Variants in PALMD observed in about 807,000 individuals in gnomAD.
PALMD encodes paralemmin-like protein.
Under a neutral mutation model 56.2 loss-of-function variants are expected in PALMD, and 42 were observed. That is an observed-to-expected ratio of 0.75 (90% CI 0.58 to 0.97). The LOEUF is 0.97. PALMD is among the 50% of genes least tolerant of loss of function. The pLI is 0.00. For synonymous variants in PALMD, 242 were observed against 222.9 expected, an observed-to-expected ratio of 1.09 and a Z score of -0.76; for missense variants, 660 against 643.8, an observed-to-expected ratio of 1.03 and a Z score of -0.27.
intron 1 of PALMD, among the ~76,000 whole-genome samples, chr1:99,650,229 T>A (rs1394032347): frequency 7.3e-6 from 1 of 136,180 alleles, no homozygotes; most frequent in African/African-American, 2.8e-5. Context: ...TATAAAGTCC[T>A]GACACTGGAA....
chr1:99,678,934 A>T (rs538817942), intron 3 of PALMD, among the ~76,000 whole-genome samples: 29 of 151,942 alleles, frequency 1.9e-4, no homozygotes, highest in African/African-American at 6.8e-4. Context: ...AGTTAAAGAC[A>T]AGCCTGGGCA....
At chr1:99,680,194 T>G (rs1653307133) in intron 3 of PALMD, among the ~76,000 whole-genome samples, 1 of 152,196 alleles carries the variant, frequency 6.6e-6, no homozygotes, top group South Asian at 2.1e-4. Context: ...CCAGCATTTA[T>G]GTGCTGTCCT....
rs1293012421 is a variant in PALMD at position 99,694,052 on chromosome 1, A to G, written c.1646A>G (p.Lys549Arg). The change falls in exon 8 of 8, where the codon AAG becomes AGG. Residue 549 changes from lysine to arginine, a missense_variant. Physicochemically the swap from Lys to Arg is conservative, Grantham distance 26. Coordinates refer to ENST00000263174, the MANE Select transcript of PALMD (RefSeq NM_017734.5). Reference sequence around the variant, plus strand: ...ATGAGAATGGCAAAGCTGGGAAAAAAGGTGATCTAAGAGTTGTACCACCTA... The same window carrying G: ...ATGAGAATGGCAAAGCTGGGAAAAAGGGTGATCTAAGAGTTGTACCACCTA... ...LRMRMAKLGK[K>R]VI 3.1e-6 allele frequency: 5 copies of G among 1,598,186 alleles called. No individual in the cohort carries two copies. Among genetic ancestry groups the G allele is most frequent in the Non-Finnish European group, 4.3e-6 (5 of 1,167,404 alleles).
At chr1:99,650,928 T>C (rs1438085633) in intron 1 of PALMD, among the ~76,000 whole-genome samples, 1 of 152,214 alleles carries the variant, frequency 6.6e-6, no homozygotes, top group East Asian at 1.9e-4. Context: ...TTTGGATCAT[T>C]GTATTATTTA....
chr1:99,666,908 T>C (rs1652972930), intron 2 of PALMD, among the ~76,000 whole-genome samples: 1 of 152,190 alleles, frequency 6.6e-6, no homozygotes, highest in African/African-American at 2.4e-5. Context: ...TTTTTGTTTT[T>C]TCCATCTGGT....
intron 7 of PALMD, 175 bp downstream of exon 7, chr1:99,690,047 T>TG: frequency 1.9e-6 from 1 of 532,792 alleles, no homozygotes; most frequent in African/African-American, 1.9e-5. Context: ...ATTAAGTCAC[T>TG]TCAAAAGATA....
At chr1:99,658,313 A>G (rs1652770947) in intron 1 of PALMD, among the ~76,000 whole-genome samples, 1 of 151,828 alleles carries the variant, frequency 6.6e-6, no homozygotes, top group Admixed American at 6.6e-5. Flanking sequence ...CAAAAAAAAA[A>G]AAAAAGAAAA....
At chr1:99,689,986 T>G in intron 7 of PALMD, 114 bp downstream of exon 7, 1 of 880,374 alleles carries the variant, frequency 1.1e-6, no homozygotes, top group Non-Finnish European at 1.7e-6. Context: ...TAATACGCAC[T>G]GAGATTTTTT....
intron 7 of PALMD, among the ~76,000 whole-genome samples, chr1:99,693,192 T>C (rs1653702281): frequency 6.6e-6 from 1 of 152,184 alleles, no homozygotes; most frequent in South Asian, 2.1e-4. Context: ...TTACATAGCT[T>C]GTTCTTGGGC....
At chr1:99,671,887 A>T (rs565924199) in intron 3 of PALMD, among the ~76,000 whole-genome samples, 1 of 152,352 alleles carries the variant, frequency 6.6e-6, no homozygotes, top group East Asian at 1.9e-4. Flanking sequence ...GTAAAGAGCC[A>T]GGATTTAAAA....
chr1:99,679,460 A>T (rs1458545248), intron 3 of PALMD, among the ~76,000 whole-genome samples: 1 of 152,216 alleles, frequency 6.6e-6, no homozygotes, highest in African/African-American at 2.4e-5. Context: ...AAAAGGAAAA[A>T]AAAAGATAAA....
chr1:99,647,063 G>A (rs116202505), intron 1 of PALMD, among the ~76,000 whole-genome samples: 3,411 of 151,872 alleles, frequency 0.022, 68 homozygotes, highest in South Asian at 0.036. Flanking sequence ...TGTTTGTTCC[G>A]GGAAAAAGTC....
intron 3 of PALMD, chr1:99,669,413 A>G (rs965392303): frequency 6.6e-6 from 1 of 152,180 alleles, no homozygotes; most frequent in South Asian, 2.1e-4. Flanking sequence ...TTATCAAGGC[A>G]TCCCTTAGCA....
intron 3 of PALMD, among the ~76,000 whole-genome samples, chr1:99,677,468 G>T (rs1356323385): frequency 1.3e-5 from 2 of 151,990 alleles, no homozygotes; most frequent in East Asian, 1.9e-4. Context: ...TTATCTAGAG[G>T]CCCTATTTCT....
chr1:99,648,459 T>G (rs905359935), intron 1 of PALMD, among the ~76,000 whole-genome samples: 11 of 152,210 alleles, frequency 7.2e-5, no homozygotes, highest in African/African-American at 2.7e-4. Context: ...GCAGAGAGTT[T>G]GCAAGAATTA....
intron 3 of PALMD, among the ~76,000 whole-genome samples, chr1:99,683,091 A>AG: frequency 1.8e-5 from 1 of 56,646 alleles, no homozygotes; most frequent in Non-Finnish European, 3.4e-5. Context: ...AGAGAGAGAG[A>AG]AAGAAAGAAA....
intron 3 of PALMD, among the ~76,000 whole-genome samples, chr1:99,677,691 A>G (rs962392778): frequency 2.6e-5 from 4 of 152,164 alleles, no homozygotes; most frequent in Admixed American, 2.0e-4. Flanking sequence ...CTGAATGCCA[A>G]GGACACTGGG....
intron 3 of PALMD, among the ~76,000 whole-genome samples, chr1:99,672,857 A>ATT (rs553244092): frequency 6.6e-6 from 1 of 150,448 alleles, no homozygotes; most frequent in Non-Finnish European, 1.5e-5. Flanking sequence ...TCTAGCACGG[A>ATT]TTTTTTTTTT....
chr1:99,692,701 G>T (rs936169315), intron 7 of PALMD, among the ~76,000 whole-genome samples: 1 of 152,172 alleles, frequency 6.6e-6, no homozygotes, highest in Non-Finnish European at 1.5e-5. Flanking sequence ...GACTCAAAAA[G>T]CCCCTCACTC....
Sources: allele counts gnomAD v4.1 joint callset (sites outside exome capture counted in the v4.1 genomes callset), GRCh38; gene constraint gnomAD v4.1.1; transcripts MANE v1.5; gene names NCBI Gene and HGNC (gene_info 2026-07-23, HGNC 2026-07-21).